Variants in USP50 observed in about 807,000 individuals in gnomAD.
USP50 encodes ubiquitin specific peptidase 50.
Under a neutral mutation model 39.2 loss-of-function variants are expected in USP50, and 37 were observed. The observed-to-expected ratio is 0.94, with a 90% CI of 0.73 to 1.24. The LOEUF (loss-of-function observed/expected upper bound fraction) is 1.24, where lower values mean the gene tolerates loss of function less well. Ranked by LOEUF, USP50 falls within the 50% of genes most tolerant of loss-of-function variation. USP50 has a pLI of 0.00. For missense variants in USP50, 374 were observed against 398.2 expected (o/e 0.94, Z 0.52); for synonymous variants, 139 against 144.5 (o/e 0.96, Z 0.27).
At chr15:50,495,152 C>T (rs1424801777) in intron 1 of USP50, among the ~76,000 whole-genome samples, 1 of 151,684 alleles carries the variant, frequency 6.6e-6, no homozygotes, top group Non-Finnish European at 1.5e-5. Flanking sequence ...CTTTTTGTCT[C>T]ACATATTTTG....
chr15:50,542,473 T>C (rs1431254195), intron 3 of USP50, among the ~76,000 whole-genome samples: 5 of 148,740 alleles, frequency 3.4e-5, no homozygotes, highest in Non-Finnish European at 7.4e-5. Flanking sequence ...TTTTTTTTTT[T>C]CCTTTTCATT....
intron 6 of USP50, chr15:50,506,292 A>T (rs1039385870): frequency 2.0e-5 from 3 of 152,330 alleles, no homozygotes; most frequent in Non-Finnish European, 2.9e-5. Flanking sequence ...ACCTACCCTG[A>T]GCACCGCCTC....
intron 5 of USP50, among the ~76,000 whole-genome samples, chr15:50,537,461 G>A (rs2052988447): frequency 6.6e-6 from 1 of 151,250 alleles, no homozygotes; most frequent in Non-Finnish European, 1.5e-5. Context: ...CTCCATTACA[G>A]TCAAAATTTT....
intron 3 of USP50, among the ~76,000 whole-genome samples, chr15:50,542,813 A>G (rs2053040848): frequency 6.6e-6 from 1 of 152,134 alleles, no homozygotes. Flanking sequence ...ATTACTCTAA[A>G]TGAAAAATGG....
rs753384776 is a variant in USP50 at position 50,543,747 on chromosome 15, T to G, written c.295A>C (p.Met99Leu). The change falls in exon 3 of 7, where the codon ATG becomes CTG. Residue 99 changes from methionine (M) to leucine (L), a missense_variant. Met to Leu is a conservative substitution (Grantham distance 15). Coordinates refer to ENST00000532404, the MANE Select transcript of USP50 (RefSeq NM_203494.5). The part of the protein sequence containing the change: ...ATAFAYLMTD[M>L]WLGDSDCVSP... ...ACACAGTCTGAGTCTCCCAGCCACA[T>G]GTCTGTCATCAGATAGGCAAAAGCA... The G allele has an allele frequency of 2.0e-5, 32 of 1,610,414 alleles. No homozygotes were observed. Among genetic ancestry groups the G allele is most frequent in the Non-Finnish European group, 2.5e-5 (30 of 1,178,206 alleles).
intron 1 of USP50, chr15:50,494,215 A>G (rs764793582): frequency 1.2e-6 from 2 of 1,613,656 alleles, no homozygotes; most frequent in Non-Finnish European, 1.7e-6. Flanking sequence ...TGCAGGATAC[A>G]GTCAGCAAGA....
chr15:50,498,739 C>T, downstream of USP50: 1 of 1,587,338 alleles, frequency 6.3e-7, no homozygotes, highest in Non-Finnish European at 8.6e-7. Flanking sequence ...GTAAGTATCT[C>T]TTTGAACTGA....
intron 4 of USP50, among the ~76,000 whole-genome samples, chr15:50,539,421 G>T (rs2141378342): frequency 8.6e-6 from 1 of 116,338 alleles, no homozygotes; most frequent in South Asian, 2.9e-4. Flanking sequence ...TACTGATTTT[G>T]CAATTTTTTT....
chr15:50,505,290 A>G (rs1019891828), intron 6 of USP50: 2 of 152,214 alleles, frequency 1.3e-5, no homozygotes, highest in Non-Finnish European at 2.9e-5. Context: ...AACCAGAAAG[A>G]AAAAGAGAGT....
chr15:50,498,839 A>G (rs1227949584), downstream of USP50: 9 of 1,550,204 alleles, frequency 5.8e-6, no homozygotes, highest in East Asian at 9.1e-5. Context: ...CTTTGAAACT[A>G]TTGGCGTATT....
rs562928508 is a variant in USP50, at chr15:50,530,280, C to G, written c.804-351G>C. 5.0e-5 allele frequency among the ~76,000 whole-genome samples: 7 copies of G among 139,608 alleles called. No individual in the cohort carries two copies. The South Asian group carries it at 1.6e-3, about 32-fold the overall frequency. 91.6% of individuals were successfully genotyped at this position (139,608 alleles called of 152,430 possible). A position where few individuals can be genotyped will look rare whatever the true frequency, so the allele number is the denominator to read the frequency against. ...CCTGGGTGACAGAGTGAGACCCTGT[C>G]TCTAAAAAAAAGGAACTTCTGGCCT... is the stretch of plus-strand genomic sequence containing the variant. On this transcript the variant is annotated intron_variant, in intron 5 of 6. Transcript: ENST00000532404.
At chr15:50,512,986 A>G (rs191060627) in intron 6 of USP50, 11 of 152,354 alleles carry the variant, frequency 7.2e-5, no homozygotes, top group Admixed American at 3.3e-4. Context: ...CATGTAAATG[A>G]CTCTTTCCAA....
intron 6 of USP50, 63 bp from the exon 7 acceptor site, chr15:50,500,900 A>ATGAT (rs1355377456): frequency 9.4e-6 from 12 of 1,277,306 alleles, no homozygotes; most frequent in East Asian, 5.0e-5. Flanking sequence ...TGGAACAGAA[A>ATGAT]TGATAGGGCC....
At chr15:50,513,885 C>T (rs537124852) in intron 6 of USP50, 4 of 152,210 alleles carry the variant, frequency 2.6e-5, no homozygotes, top group African/African-American at 7.2e-5. Flanking sequence ...CAGACATATG[C>T]GTATTTCTGA....
chr15:50,513,857 AGCAGTAT>A (rs1345664114), intron 6 of USP50: 1 of 152,196 alleles, frequency 6.6e-6, no homozygotes, highest in Admixed American at 6.5e-5. Context: ...AAAGCTACTG[AGCAGTAT>A]GTACTAAAGC....
chr15:50,527,371 A>ATT (rs549428010), intron 6 of USP50, among the ~76,000 whole-genome samples: 2 of 149,960 alleles, frequency 1.3e-5, no homozygotes, highest in African/African-American at 4.9e-5. Flanking sequence ...CGCCTGGCTA[A>ATT]TTTTTTTTTG....
At position 50,543,709 on chromosome 15, in the gene USP50, T is replaced by C. The variant is rs200728613; in HGVS notation, c.333A>G (p.Ile111Met). 5.0e-4 allele frequency: 813 copies of C among 1,612,240 alleles called. No individual in the cohort carries two copies. The highest frequency in any genetic ancestry group is 6.5e-4 in the Non-Finnish European group (761 of 1,179,020). The change falls in exon 3 of 7, where the codon ATA becomes ATG. Residue 111 changes from isoleucine to methionine, a missense_variant. Transcript: ENST00000532404. ...AGAGGTTGCCAAGAGCTGACCAGAA[T>C]ATTTCTGGTGAGACACAGTCTGAGT... ...LGDSDCVSPE[I>M]FWSALGNLYP... is the part of the protein sequence containing the mutation.
chr15:50,505,598 C>A (rs547728146), intron 6 of USP50: 1 of 152,266 alleles, frequency 6.6e-6, no homozygotes, highest in East Asian at 1.9e-4. Context: ...GATGAAGATC[C>A]GGGCAAATAT....
intron 6 of USP50, among the ~76,000 whole-genome samples, chr15:50,528,026 T>A (rs1489797678): frequency 6.6e-6 from 1 of 151,750 alleles, no homozygotes; most frequent in Non-Finnish European, 1.5e-5. Context: ...TTTTGACCCC[T>A]TAATTAACCA....
Sources: gnomAD v4.1 joint callset for allele counts (sites outside exome capture counted in the v4.1 genomes callset) on GRCh38, gnomAD v4.1.1 for gene constraint, MANE v1.5 for transcripts, NCBI Gene and HGNC (gene_info 2026-07-23, HGNC 2026-07-21) for gene names.